Variants in PLAC8L1 observed in about 807,000 individuals in gnomAD.
PLAC8L1 encodes PLAC8-like protein 1.
In PLAC8L1, 13 loss-of-function variants were observed where a neutral mutation model predicts 16.3. That is an observed-to-expected ratio of 0.80 (90% CI 0.52 to 1.27). The LOEUF (loss-of-function observed/expected upper bound fraction) is 1.27. Among genes scored for constraint, PLAC8L1 ranks in the 50% most tolerant of loss-of-function variants. The pLI, the probability that PLAC8L1 is intolerant of heterozygous loss-of-function variation, is 0.00. For missense variants in PLAC8L1, 184 were observed against 220.2 expected, an observed-to-expected ratio of 0.84 and a Z score of 1.04; for synonymous variants, 78 against 79.3, an observed-to-expected ratio of 0.98 and a Z score of 0.09.
chr5:146,098,390 A>C, intron 1 of PLAC8L1, 98 bp from the exon 2 acceptor site: 5 of 1,232,452 alleles, frequency 4.1e-6, no homozygotes, highest in Non-Finnish European at 5.5e-6. Flanking sequence ...ATAGGGACCC[A>C]ATGATGCCAA....
At chr5:146,086,209 T>C (rs1435403232) in intron 2 of PLAC8L1, among the ~76,000 whole-genome samples, 1 of 151,330 alleles carries the variant, frequency 6.6e-6, no homozygotes, top group African/African-American at 2.4e-5. Flanking sequence ...TTTTGTATTT[T>C]TAGTAGAGAC....
At chr5:146,096,950 C>T (rs1189829406) in intron 2 of PLAC8L1, among the ~76,000 whole-genome samples, 1 of 152,220 alleles carries the variant, frequency 6.6e-6, no homozygotes, top group Non-Finnish European at 1.5e-5. Flanking sequence ...TGAATGAGGA[C>T]TTGCTCAGAG....
chr5:146,093,452 C>G (rs939202678), intron 2 of PLAC8L1, among the ~76,000 whole-genome samples: 1 of 152,156 alleles, frequency 6.6e-6, no homozygotes, highest in African/African-American at 2.4e-5. Flanking sequence ...TCGAGGCTGT[C>G]GGGTCTTTGC....
intron 3 of PLAC8L1, among the ~76,000 whole-genome samples, chr5:146,084,880 T>C (rs144503695): frequency 3.9e-5 from 6 of 152,332 alleles, no homozygotes; most frequent in Non-Finnish European, 7.4e-5. Context: ...TTTATTTCTT[T>C]GGAGTAGGTA....
chr5:146,092,386 T>C (rs755609769), intron 2 of PLAC8L1, among the ~76,000 whole-genome samples: 4 of 152,158 alleles, frequency 2.6e-5, no homozygotes, highest in Admixed American at 1.3e-4. Context: ...CCAACAGATA[T>C]ACTCACACAC....
intron 2 of PLAC8L1, among the ~76,000 whole-genome samples, chr5:146,094,535 A>C (rs1170644057): frequency 6.6e-6 from 1 of 152,226 alleles, no homozygotes; most frequent in East Asian, 1.9e-4. Flanking sequence ...CACCTTCCAC[A>C]TAAACCTTCT....
At chr5:146,100,691 A>AAT (rs1554124456) in intron 1 of PLAC8L1, among the ~76,000 whole-genome samples, 5 of 151,916 alleles carry the variant, frequency 3.3e-5, no homozygotes, top group Non-Finnish European at 4.4e-5. Flanking sequence ...TGTACAGAAA[A>AAT]ATATATATAT....
intron 2 of PLAC8L1, among the ~76,000 whole-genome samples, chr5:146,087,789 A>C (rs1455221996): frequency 6.6e-6 from 1 of 152,246 alleles, no homozygotes; most frequent in Non-Finnish European, 1.5e-5. Context: ...CAAGCTGTAC[A>C]GTAAGCATAG....
rs962008310 is a variant in PLAC8L1, at chr5:146,104,403, T to C, written c.-92A>G. 2.1e-6 allele frequency: 2 copies of C among 974,874 alleles called. No homozygotes were observed. Among genetic ancestry groups the C allele is most frequent in the African/African-American group, 3.2e-5 (2 of 62,240 alleles). The allele number at this position is 974,874 out of a possible 1,614,324, so 60.4% of individuals were successfully genotyped here. On this transcript the variant is annotated 5_prime_UTR_variant, in exon 1 of 4. An upstream start codon of the reference 5' UTR is lost. Transcript: ENST00000311450. ...CTTCGGATTAGTCCAAAGTGAAACA[T>C]CTCTTGAAAGAATGTTCCCTTAATA...
At chr5:146,098,045 A>T in intron 2 of PLAC8L1, 111 bp downstream of exon 2, 1 of 1,282,244 alleles carries the variant, frequency 7.8e-7, no homozygotes, top group Non-Finnish European at 1.1e-6. Flanking sequence ...TAGTCCAGTT[A>T]TTCTGAAAAC....
chr5:146,085,667 A>G, intron 2 of PLAC8L1, 70 bp from the exon 3 acceptor site: 1 of 1,512,776 alleles, frequency 6.6e-7, no homozygotes, highest in Non-Finnish European at 9.0e-7. Context: ...CTCAAAGAAT[A>G]TTTACAACAT....
chr5:146,097,058 G>A (rs1763729031), intron 2 of PLAC8L1, among the ~76,000 whole-genome samples: 1 of 152,098 alleles, frequency 6.6e-6, no homozygotes, highest in African/African-American at 2.4e-5. Context: ...GGGTCTGTTG[G>A]ATTTGGAACT....
intron 2 of PLAC8L1, among the ~76,000 whole-genome samples, chr5:146,086,983 TG>T (rs957117523): frequency 6.6e-6 from 1 of 152,222 alleles, no homozygotes; most frequent in Non-Finnish European, 1.5e-5. Flanking sequence ...ACCAAATGTG[TG>T]GAACATTGCT....
At chr5:146,100,468 A>G (rs1421751908) in intron 1 of PLAC8L1, among the ~76,000 whole-genome samples, 3 of 150,842 alleles carry the variant, frequency 2.0e-5, no homozygotes, top group Non-Finnish European at 4.4e-5. Flanking sequence ...CAAATAAATT[A>G]ATGCTCAATT....
rs116428925 is a variant in PLAC8L1 at position 146,102,868 on chromosome 5, T to G, written c.119+1325A>C. On this transcript the variant is annotated intron_variant, in intron 1 of 3. Coordinates refer to ENST00000311450, the MANE Select transcript of PLAC8L1 (RefSeq NM_001029869.3). ...CCTAGCTCCTCAGTTGCCAGAGTAT[T>G]AAACAAGATCATGTATGTACCTGAC... Among the ~76,000 whole-genome samples the G allele has an allele frequency of 2.2e-3, 331 of 152,310 alleles. 3 individuals carry two copies. The highest frequency in any genetic ancestry group is 7.7e-3 in the African/African-American group (322 of 41,564).
chr5:146,094,666 A>G (rs1206304955), intron 2 of PLAC8L1, among the ~76,000 whole-genome samples: 1 of 152,200 alleles, frequency 6.6e-6, no homozygotes, highest in Non-Finnish European at 1.5e-5. Context: ...CAGCTACCCT[A>G]TCTTCAAAGG....
intron 2 of PLAC8L1, among the ~76,000 whole-genome samples, chr5:146,091,221 C>T (rs1046276473): frequency 2.0e-5 from 3 of 152,156 alleles, no homozygotes; most frequent in African/African-American, 7.2e-5. Context: ...TTATCAGTGT[C>T]CACCCTGTAT....
intron 1 of PLAC8L1, among the ~76,000 whole-genome samples, chr5:146,099,611 A>T (rs1382861581): frequency 6.7e-6 from 1 of 149,592 alleles, no homozygotes; most frequent in Non-Finnish European, 1.5e-5. Flanking sequence ...GCGAGCTGAG[A>T]TCACGCCACT....
chr5:146,095,394 C>A (rs924355004), intron 2 of PLAC8L1, among the ~76,000 whole-genome samples: 1 of 152,110 alleles, frequency 6.6e-6, no homozygotes, highest in African/African-American at 2.4e-5. Context: ...AGCGTTGATG[C>A]GGGTTGAGAG....
Sources: allele counts gnomAD v4.1 joint callset (sites outside exome capture counted in the v4.1 genomes callset), GRCh38; gene constraint gnomAD v4.1.1; transcripts MANE v1.5; gene names NCBI Gene and HGNC (gene_info 2026-07-23, HGNC 2026-07-21).